Variants in CTBP2 observed in about 807,000 individuals in gnomAD.
The protein encoded by CTBP2 is C-terminal-binding protein 2.
In CTBP2, 30 loss-of-function variants were observed where a neutral mutation model predicts 80.3. The ratio of observed to expected loss-of-function variants is 0.37; its 90% CI spans 0.28 to 0.51. The LOEUF (loss-of-function observed/expected upper bound fraction) is 0.51, where lower values mean the gene tolerates loss of function less well. Ranked by LOEUF, CTBP2 falls within the 20% of genes least tolerant of loss-of-function variation. CTBP2 has a pLI of 0.93. For missense variants in CTBP2, 1,212 were observed against 1,375.3 expected, an observed-to-expected ratio of 0.88 and a Z score of 1.88; for synonymous variants, 594 against 587.4, an observed-to-expected ratio of 1.01 and a Z score of -0.16.
chr10:125,151,264 C>G (rs1035930737), intron 1 of CTBP2, among the ~76,000 whole-genome samples: 1 of 152,182 alleles, frequency 6.6e-6, no homozygotes, highest in African/African-American at 2.4e-5. Flanking sequence ...CGTCCTACCA[C>G]TCTGCGCTCG....
intron 1 of CTBP2, among the ~76,000 whole-genome samples, chr10:125,121,811 C>A (rs900015779): frequency 1.3e-5 from 2 of 152,228 alleles, no homozygotes; most frequent in African/African-American, 4.8e-5. Flanking sequence ...ACGCTGTCAC[C>A]CAGGCTCAAG....
chr10:125,127,938 A>T lies in CTBP2; in HGVS notation c.-205-16845T>A, dbSNP rs187214906. Among the ~76,000 whole-genome samples, 35 of 152,334 alleles carry T rather than the reference A, an allele frequency of 2.3e-4. No individual in the cohort carries two copies. In the East Asian group the frequency reaches 6.2e-3, roughly 27 times the overall value. On this transcript the variant is annotated intron_variant, in intron 1 of 10. Transcript: ENST00000337195. ...ATCCTATTTTTTGAGTCCTCAAAGA[A>T]CTTTCCTGAAAGAGGTAGGATATAA...
intron 3 of CTBP2, chr10:124,998,387 G>A: frequency 3.4e-6 from 2 of 594,056 alleles, no homozygotes; most frequent in East Asian, 2.9e-5. Context: ...CCCTCCCAAG[G>A]AGGACTTTTG....
chr10:125,153,405 T>C (rs1425526316), intron 1 of CTBP2, among the ~76,000 whole-genome samples: 1 of 152,228 alleles, frequency 6.6e-6, no homozygotes, highest in African/African-American at 2.4e-5. Flanking sequence ...AAGCAGCGGA[T>C]AAGCCGACTG....
At chr10:125,046,871 C>G (rs774369716) in intron 2 of CTBP2, among the ~76,000 whole-genome samples, 1 of 152,166 alleles carries the variant, frequency 6.6e-6, no homozygotes, top group Non-Finnish European at 1.5e-5. Context: ...TGTTAGCACA[C>G]GAAAATACAT....
chr10:124,998,007 T>C lies in CTBP2; in HGVS notation c.2142A>G (p.Gly714=), dbSNP rs1401019903. ...GCGTCTCCCCACGGATGCGGGCCGC[T>C]CCCGAGGCCACCTCGCGGATCTGCT... Residue 714 remains glycine, a synonymous_variant, in exon 4 of 9, where the codon GGA becomes GGG. Coordinates refer to ENST00000309035, the MANE Select transcript of CTBP2 (RefSeq NM_022802.3). 6.2e-7 allele frequency: 1 copy of C among 1,613,108 alleles called. No homozygotes were observed. The highest frequency in any genetic ancestry group is 1.3e-5 in the African/African-American group (1 of 75,046).
At chr10:125,161,298 C>A (rs1248661485), upstream of CTBP2, 2 of 151,884 alleles carry the variant, frequency 1.3e-5, no homozygotes, top group Admixed American at 6.6e-5. Flanking sequence ...GCGGGGGCCT[C>A]GGTGGCAGGG....
chr10:125,153,932 G>C (rs1860466237), intron 1 of CTBP2, among the ~76,000 whole-genome samples: 1 of 152,028 alleles, frequency 6.6e-6, no homozygotes, highest in Non-Finnish European at 1.5e-5. Context: ...CCCTGAGCTT[G>C]CTTGTGCTGC....
At chr10:125,085,759 G>A (rs1002940781) in intron 2 of CTBP2, among the ~76,000 whole-genome samples, 1 of 152,176 alleles carries the variant, frequency 6.6e-6, no homozygotes, top group Non-Finnish European at 1.5e-5. Flanking sequence ...TACTATATGA[G>A]TTCACTCAAA....
chr10:125,055,601 C>A (rs1963715378), intron 2 of CTBP2, among the ~76,000 whole-genome samples: 1 of 152,178 alleles, frequency 6.6e-6, no homozygotes, highest in Non-Finnish European at 1.5e-5. Context: ...CTGAGCCACA[C>A]CAGCCAGATG....
chr10:125,049,112 T>TACACAC (rs1962076770), intron 2 of CTBP2, among the ~76,000 whole-genome samples: 1 of 100,840 alleles, frequency 9.9e-6, no homozygotes, highest in South Asian at 3.7e-4. Context: ...ACCACACACA[T>TACACAC]ACACACACAA....
At chr10:125,076,590 G>A (rs761544611) in intron 2 of CTBP2, among the ~76,000 whole-genome samples, 1 of 152,118 alleles carries the variant, frequency 6.6e-6, no homozygotes, top group African/African-American at 2.4e-5. Flanking sequence ...GAGAGGCAGC[G>A]CGCCTCTCCA....
At chr10:124,990,588 G>A (rs1952476557) in intron 8 of CTBP2, among the ~76,000 whole-genome samples, 1 of 152,298 alleles carries the variant, frequency 6.6e-6, no homozygotes, top group Admixed American at 6.5e-5. Context: ...CTGTTCACCA[G>A]TTACTTCTGA....
At chr10:125,054,168 C>T (rs1430658398) in intron 2 of CTBP2, among the ~76,000 whole-genome samples, 1 of 152,126 alleles carries the variant, frequency 6.6e-6, no homozygotes, top group African/African-American at 2.4e-5. Flanking sequence ...ACTGTGGATG[C>T]CAGAAAAAGA....
chr10:125,018,378 C>T (rs989180471), intron 1 of CTBP2, among the ~76,000 whole-genome samples: 1 of 152,044 alleles, frequency 6.6e-6, no homozygotes, highest in Non-Finnish European at 1.5e-5. Flanking sequence ...AAAAATTAAC[C>T]AGGTATGGTA....
intron 2 of CTBP2, among the ~76,000 whole-genome samples, chr10:125,074,070 G>A (rs1013882216): frequency 3.9e-5 from 6 of 152,176 alleles, no homozygotes; most frequent in Non-Finnish European, 5.9e-5. Flanking sequence ...GTGGTGGGGG[G>A]CCTTCCTGTG....
intron 3 of CTBP2, among the ~76,000 whole-genome samples, chr10:125,038,675 T>A (rs577771905): frequency 1.3e-5 from 2 of 152,244 alleles, no homozygotes; most frequent in Admixed American, 1.3e-4. Flanking sequence ...TTTCAGGAAG[T>A]GAAAAAAGAT....
chr10:125,088,541 T>C (rs1258390681), intron 2 of CTBP2, among the ~76,000 whole-genome samples: 4 of 152,108 alleles, frequency 2.6e-5, no homozygotes, highest in African/African-American at 7.2e-5. Flanking sequence ...AGCATGCCAT[T>C]TATCAATCAA....
chr10:125,005,883 G>A (rs568446357), intron 1 of CTBP2: 18 of 1,535,954 alleles, frequency 1.2e-5, no homozygotes, highest in East Asian at 1.1e-4. Flanking sequence ...GATGGTTATC[G>A]GAGAGAGTGC....
Sources: gnomAD v4.1 joint callset for allele counts (sites outside exome capture counted in the v4.1 genomes callset) on GRCh38, gnomAD v4.1.1 for gene constraint, MANE v1.5 for transcripts, NCBI Gene and HGNC (gene_info 2026-07-23, HGNC 2026-07-21) for gene names.